Variants in FBXL4 observed in about 807,000 individuals in gnomAD.
FBXL4 encodes F-box/LRR-repeat protein 4.
A neutral mutation model predicts 58.9 loss-of-function variants in FBXL4; 40 were observed. The observed-to-expected ratio is 0.68, with a 90% confidence interval of 0.53 to 0.88. FBXL4 has a LOEUF of 0.88. Among genes scored for constraint, FBXL4 ranks in the 40% least tolerant of loss-of-function variants. The pLI, the probability that FBXL4 is intolerant of heterozygous loss-of-function variation, is 0.00. For missense variants in FBXL4, 676 were observed against 734.4 expected (o/e 0.92, Z 0.92); for synonymous variants, 263 against 265.5 (o/e 0.99, Z 0.09).
intron 1 of FBXL4, among the ~76,000 whole-genome samples, chr6:98,937,873 T>A (rs895014247): frequency 6.6e-6 from 1 of 152,180 alleles, no homozygotes; most frequent in Admixed American, 6.5e-5. Context: ...CAATTTGTTT[T>A]CTGGCACTGC....
At chr6:98,945,645 T>C (rs1242199774) in intron 1 of FBXL4, among the ~76,000 whole-genome samples, 4 of 152,320 alleles carry the variant, frequency 2.6e-5, no homozygotes, top group East Asian at 1.9e-4. Context: ...CCAGTTGTGA[T>C]GGTAAAATAC....
Position 98,897,365 on chromosome 6 carries a change from T to C in FBXL4, c.1317+1903A>G, listed in dbSNP as rs1771445121. ...CCAATGAAAACACAGGCTAATATCA[T>C]CTGGCATTCAGGGACAATAATTATT... On this transcript the variant is annotated intron_variant, in intron 7 of 9. Transcript: ENST00000369244. 9 of 983,850 alleles carry C rather than the reference T, an allele frequency of 9.1e-6. No homozygotes were observed. The South Asian group carries it at 1.9e-4, about 21-fold the overall frequency. 60.9% of individuals were successfully genotyped at this position (983,850 alleles called of 1,614,324 possible). A position where few individuals can be genotyped will look rare whatever the true frequency, so the allele number is the denominator to read the frequency against.
chr6:98,924,584 T>G (rs1203608802), intron 4 of FBXL4, among the ~76,000 whole-genome samples: 1 of 152,024 alleles, frequency 6.6e-6, no homozygotes, highest in Non-Finnish European at 1.5e-5. Context: ...CCTACTCCAT[T>G]TTTTCCTCTT....
At chr6:98,919,527 G>A (rs1772498546) in intron 4 of FBXL4, among the ~76,000 whole-genome samples, 1 of 152,172 alleles carries the variant, frequency 6.6e-6, no homozygotes. Flanking sequence ...CAGGTTTAAT[G>A]AGGAAAGAGA....
intron 5 of FBXL4, among the ~76,000 whole-genome samples, 166 bp downstream of exon 5, chr6:98,917,208 T>C (rs1772393112): frequency 6.6e-6 from 1 of 152,154 alleles, no homozygotes; most frequent in Non-Finnish European, 1.5e-5. Context: ...GTGAAATTAG[T>C]TAAAACATGA....
At position 98,883,985 on chromosome 6, in the gene FBXL4, A is replaced by G. The variant is rs572821336; in HGVS notation, c.1318-3361T>C. On this transcript the variant is annotated intron_variant, in intron 7 of 9. Coordinates refer to ENST00000369244, the MANE Select transcript of FBXL4 (RefSeq NM_001278716.2). The stretch of plus-strand genomic sequence containing the variant: ...AATTAATCTCCCCTCCATGGTCATT[A>G]GTTAATTTACTAGCATTTTATCAAT... Among the ~76,000 whole-genome samples, 4 of 152,022 alleles carry G rather than the reference A, an allele frequency of 2.6e-5. No homozygotes were observed. The South Asian group carries it at 8.3e-4, about 32-fold the overall frequency.
At chr6:98,913,733 C>T (rs1772202522) in intron 5 of FBXL4, among the ~76,000 whole-genome samples, 1 of 152,064 alleles carries the variant, frequency 6.6e-6, no homozygotes, top group Non-Finnish European at 1.5e-5. Context: ...AAAATTGACA[C>T]CCTAACATCA....
At chr6:98,935,485 G>A (rs1335366420) in intron 1 of FBXL4, among the ~76,000 whole-genome samples, 4 of 152,010 alleles carry the variant, frequency 2.6e-5, no homozygotes, top group African/African-American at 9.7e-5. Context: ...AGTGTTTAAC[G>A]ATGGGTAAGA....
chr6:98,906,531 A>G (rs1489259728), intron 5 of FBXL4, among the ~76,000 whole-genome samples: 2 of 152,198 alleles, frequency 1.3e-5, no homozygotes, highest in South Asian at 4.1e-4. Flanking sequence ...ATAGTATTCC[A>G]TGGTACATAT....
intron 4 of FBXL4, among the ~76,000 whole-genome samples, chr6:98,923,664 C>T (rs1772668258): frequency 6.6e-6 from 1 of 152,160 alleles, no homozygotes; most frequent in Non-Finnish European, 1.5e-5. Context: ...TCATGGTCCT[C>T]TTCTAGGCTG....
intron 7 of FBXL4, among the ~76,000 whole-genome samples, chr6:98,892,758 T>C (rs1298281140): frequency 6.6e-6 from 1 of 152,196 alleles, no homozygotes; most frequent in Admixed American, 6.5e-5. Context: ...ACTTCTTTTG[T>C]TGTCTTCTAG....
intron 4 of FBXL4, among the ~76,000 whole-genome samples, chr6:98,921,358 T>C (rs530206464): frequency 2.0e-5 from 3 of 151,470 alleles, no homozygotes; most frequent in South Asian, 4.2e-4. Flanking sequence ...GCCAGGCAGA[T>C]GAGTACAAAA....
intron 1 of FBXL4, among the ~76,000 whole-genome samples, chr6:98,946,536 T>C (rs1048848023): frequency 6.6e-6 from 1 of 152,216 alleles, no homozygotes; most frequent in African/African-American, 2.4e-5. Flanking sequence ...ACTGACCATA[T>C]GTGCAAGTAC....
Position 98,903,300 on chromosome 6 carries a change from G to A in FBXL4, c.1103+2126C>T, listed in dbSNP as rs138280640. ...ATCAATTCAGCAGTCAAGTCATGGG[G>A]GCCAACAGTAATCAGTAGGCAAAAC... On this transcript the variant is annotated intron_variant, in intron 6 of 9. Transcript: ENST00000369244. Among the ~76,000 whole-genome samples the A allele has an allele frequency of 2.0e-3, 305 of 152,006 alleles. 1 individual carries two copies. The highest frequency in any genetic ancestry group is 5.3e-3 in the African/African-American group (221 of 41,460).
In FBXL4 at chr6:98,917,491, T is replaced by G; in HGVS notation, c.741A>C (p.Glu247Asp). ...KTSLIDMNDI[E>D]DDAYAEKDGC... ...CATCCTTTTCTGCATAGGCATCATCTTCTATATCATTCATGTCAATAAGTG... is the reference window on the plus strand; with the variant it reads ...CATCCTTTTCTGCATAGGCATCATCGTCTATATCATTCATGTCAATAAGTG... Residue 247 changes from glutamate to aspartate, a missense_variant, in exon 5 of 10, where the codon GAA (glutamate) becomes GAC (aspartate). Glu to Asp is a conservative substitution (Grantham distance 45). Transcript: ENST00000369244. 2 of 1,614,058 alleles carry G rather than the reference T, an allele frequency of 1.2e-6. No homozygotes were observed. The highest frequency in any genetic ancestry group is 2.7e-5 in the African/African-American group (2 of 75,042).
chr6:98,929,263 C>T (rs534520288), intron 2 of FBXL4, among the ~76,000 whole-genome samples: 1 of 152,170 alleles, frequency 6.6e-6, no homozygotes, highest in African/African-American at 2.4e-5. Context: ...AGAGAATCCA[C>T]AGTAGTAAGA....
chr6:98,920,269 T>A (rs1026108566), intron 4 of FBXL4, among the ~76,000 whole-genome samples: 1 of 152,176 alleles, frequency 6.6e-6, no homozygotes, highest in Admixed American at 6.5e-5. Context: ...AAGATGATGC[T>A]TTACACTGAC....
intron 1 of FBXL4, among the ~76,000 whole-genome samples, chr6:98,943,082 G>A (rs541745219): frequency 6.6e-6 from 1 of 151,712 alleles, no homozygotes; most frequent in East Asian, 1.9e-4. Context: ...GGTGAAATCT[G>A]AATAAGGTCT....
In FBXL4 at chr6:98,905,549, G is replaced by A. The variant is rs1771774417; in HGVS notation, c.980C>T (p.Pro327Leu). The stretch of plus-strand genomic sequence containing the variant: ...AGTGTCATCTAGTTTTGCCCAGTAT[G>A]GTTGCAGATTGAGGTGGATGTATTG... ...PLQYIHLNLQ[P>L]YWAKLDDTSL... The change falls in exon 6 of 10, where the codon CCA (proline) becomes CTA (leucine). Residue 327 changes from proline (P) to leucine (L), a missense_variant. Coordinates refer to ENST00000369244, the MANE Select transcript of FBXL4 (RefSeq NM_001278716.2). The A allele has an allele frequency of 6.2e-7, 1 of 1,613,994 alleles. No homozygotes were observed. Among genetic ancestry groups the A allele is most frequent in the Non-Finnish European group, 8.5e-7 (1 of 1,179,954 alleles).
Sources: gnomAD v4.1 joint callset for allele counts (sites outside exome capture counted in the v4.1 genomes callset) on GRCh38, gnomAD v4.1.1 for gene constraint, MANE v1.5 for transcripts, NCBI Gene and HGNC (gene_info 2026-07-23, HGNC 2026-07-21) for gene names.